Variants in EPB41 observed in about 807,000 individuals in gnomAD.
EPB41 encodes the protein protein 4.1.
Under a neutral mutation model 108.0 loss-of-function variants are expected in EPB41, and 65 were observed. That is an observed-to-expected ratio of 0.60 (90% CI 0.49 to 0.74). The LOEUF (loss-of-function observed/expected upper bound fraction) is 0.74. Among genes scored for constraint, EPB41 ranks in the 30% least tolerant of loss-of-function variants. The pLI, the probability that EPB41 is intolerant of heterozygous loss-of-function variation, is 0.00. For synonymous variants in EPB41, 336 were observed against 358.9 expected, an observed-to-expected ratio of 0.94 and a Z score of 0.72; for missense variants, 875 against 1,037.0, an observed-to-expected ratio of 0.84 and a Z score of 2.15.
At chr1:28,930,497 T>A (rs80099061) in intron 1 of EPB41, among the ~76,000 whole-genome samples, 22 of 150,042 alleles carry the variant, frequency 1.5e-4, no homozygotes, top group Admixed American at 6.0e-4. Context: ...GTTTTTTTTT[T>A]AATTTGAGAC....
chr1:28,996,858 G>A (rs1342975098), intron 3 of EPB41, among the ~76,000 whole-genome samples: 2 of 152,148 alleles, frequency 1.3e-5, no homozygotes, highest in Non-Finnish European at 2.9e-5. Flanking sequence ...CCTCAGGCCA[G>A]GTGCAGTGGC....
intron 16 of EPB41, chr1:29,097,153 G>A (rs1263731058): frequency 6.5e-6 from 1 of 154,702 alleles, no homozygotes; most frequent in East Asian, 1.9e-4. Flanking sequence ...GGTAGTTTCA[G>A]TGTGATTTAT....
At chr1:28,913,330 C>G (rs1419177580), upstream of EPB41, among the ~76,000 whole-genome samples, 1 of 152,122 alleles carries the variant, frequency 6.6e-6, no homozygotes, top group African/African-American at 2.4e-5. Flanking sequence ...CCCAGCTACT[C>G]GGGAGGCTGA....
At chr1:29,069,406 T>C in intron 16 of EPB41, 1 of 1,228,808 alleles carries the variant, frequency 8.1e-7, no homozygotes, top group Non-Finnish European at 1.0e-6. Context: ...GTCTAAAGCA[T>C]TTGCTTAAAG....
intron 11 of EPB41, among the ~76,000 whole-genome samples, chr1:29,050,577 C>G (rs1054506984): frequency 6.6e-6 from 1 of 152,236 alleles, no homozygotes; most frequent in East Asian, 1.9e-4. Context: ...GCTTAAAGCA[C>G]CCATTAGTAG....
chr1:29,115,801 C>T lies in EPB41; in HGVS notation c.*4C>T, dbSNP rs763754752. 1.9e-6 allele frequency: 3 copies of T among 1,613,082 alleles called. No homozygotes were observed. The highest frequency in any genetic ancestry group is 1.1e-5 in the South Asian group (1 of 91,070). ...GACCGAGATTGCTGATGAGTGAGCT[C>T]AGGTACTGGGCGTTCCTGCTGGGGC... is the stretch of plus-strand genomic sequence containing the variant. On this transcript the variant is annotated splice_region_variant and 3_prime_UTR_variant, in exon 20 of 21. Transcript: ENST00000343067. This position sits in a 1 kb window ranked among gnomAD's most constrained non-coding sequence, Gnocchi z 4.4.
chr1:28,986,060 T>C (rs1283771791), intron 1 of EPB41, among the ~76,000 whole-genome samples: 1 of 140,840 alleles, frequency 7.1e-6, no homozygotes, highest in Non-Finnish European at 1.5e-5. Context: ...AATTCCCACC[T>C]ATGAGTGAGA....
At chr1:29,108,603 C>T (rs535755862) in intron 17 of EPB41, among the ~76,000 whole-genome samples, 2 of 151,850 alleles carry the variant, frequency 1.3e-5, no homozygotes, top group African/African-American at 4.8e-5. Context: ...GTTGCCCAGG[C>T]TGGAAGTACA....
intron 1 of EPB41, among the ~76,000 whole-genome samples, chr1:28,955,578 CATG>C (rs1352370311): frequency 6.6e-6 from 1 of 152,128 alleles, no homozygotes. Context: ...CTCTTGACCT[CATG>C]ATCCGCTCAC....
At chr1:28,987,051 A>G (rs964819129) in intron 1 of EPB41, among the ~76,000 whole-genome samples, 1 of 152,160 alleles carries the variant, frequency 6.6e-6, no homozygotes, top group African/African-American at 2.4e-5. Context: ...TGCAAATCCT[A>G]CACCTTCAGA....
Position 29,037,155 on chromosome 1 carries a change from G to C in EPB41, c.1463+1232G>C, listed in dbSNP as rs61033177. Among the ~76,000 whole-genome samples, 324 of 152,152 alleles carry C rather than the reference G, an allele frequency of 2.1e-3. 2 individuals carry two copies. The highest frequency in any genetic ancestry group is 7.2e-3 in the African/African-American group (297 of 41,518). The stretch of plus-strand genomic sequence containing the variant: ...GTTGCCAGGCTGGAGTGCAGTCTGT[G>C]ATCCTGGCTCACTGCTCCTGGGTTC... On this transcript the variant is annotated intron_variant, in intron 10 of 20. Coordinates refer to ENST00000343067, the MANE Select transcript of EPB41 (RefSeq NM_001376013.1).
chr1:29,039,906 C>G (rs777453716), intron 11 of EPB41, among the ~76,000 whole-genome samples: 2 of 152,042 alleles, frequency 1.3e-5, no homozygotes, highest in Non-Finnish European at 2.9e-5. Flanking sequence ...AATTGAGATT[C>G]CGAGAGTAGT....
At chr1:29,073,471 C>T (rs1450884061) in intron 16 of EPB41, among the ~76,000 whole-genome samples, 1 of 152,122 alleles carries the variant, frequency 6.6e-6, no homozygotes, top group African/African-American at 2.4e-5. Context: ...CTTTTGGGAG[C>T]TGGGAAGATG....
chr1:28,950,139 G>A (rs2094653973), intron 1 of EPB41, among the ~76,000 whole-genome samples: 1 of 152,104 alleles, frequency 6.6e-6, no homozygotes, highest in African/African-American at 2.4e-5. Context: ...GTGTGTGTAA[G>A]CATCTCAAAG....
intron 1 of EPB41, chr1:28,985,862 G>A (rs1049297093): frequency 2.6e-5 from 4 of 151,020 alleles, no homozygotes; most frequent in Admixed American, 6.6e-5. Context: ...TAAGTTTTAG[G>A]GTACCTGTGC....
intron 1 of EPB41, among the ~76,000 whole-genome samples, chr1:28,904,782 C>T (rs2091633295): frequency 6.6e-6 from 1 of 152,002 alleles, no homozygotes; most frequent in South Asian, 2.1e-4. Context: ...GCCTGTGATC[C>T]CAGCATTTTG....
intron 1 of EPB41, among the ~76,000 whole-genome samples, chr1:28,984,929 G>A (rs1207067984): frequency 2.0e-5 from 3 of 152,130 alleles, no homozygotes; most frequent in African/African-American, 7.2e-5. Context: ...AAATTGCTGG[G>A]ATTACAGGCG....
Position 29,058,730 on chromosome 1 carries a change from A to G in EPB41, c.1903-81A>G, listed in dbSNP as rs189156619. 127 of 1,539,534 alleles carry G rather than the reference A, an allele frequency of 8.2e-5. No individual in the cohort carries two copies. In the East Asian group the frequency reaches 2.5e-3, roughly 30 times the overall value. The stretch of plus-strand genomic sequence containing the variant: ...CCCTTACTCCCTTTTCCTTAAAAAA[A>G]TTATAAAATGAAGGTTCAAACAAAC... On this transcript the variant is annotated intron_variant, in intron 13 of 20. Coordinates refer to ENST00000343067, the MANE Select transcript of EPB41 (RefSeq NM_001376013.1).
intron 11 of EPB41, among the ~76,000 whole-genome samples, chr1:29,048,417 T>C (rs1212023595): frequency 6.6e-6 from 1 of 151,916 alleles, no homozygotes; most frequent in East Asian, 1.9e-4. Context: ...TTTCTCCATG[T>C]TGAGGCTGGT....
Sources: allele counts gnomAD v4.1 joint callset (sites outside exome capture counted in the v4.1 genomes callset), GRCh38; gene constraint gnomAD v4.1.1; non-coding constraint Gnocchi (gnomAD v3.1); transcripts MANE v1.5; gene names NCBI Gene and HGNC (gene_info 2026-07-23, HGNC 2026-07-21).